ESYT1: variants seen among roughly 807,000 people sequenced by gnomAD.
ESYT1 encodes extended synaptotagmin 1.
ESYT1 carries 116 observed loss-of-function variants against 154.2 expected under a neutral mutation model. The observed-to-expected ratio is 0.75, with a 90% CI of 0.65 to 0.88. ESYT1 has a LOEUF of 0.88. Ranked by LOEUF, ESYT1 falls within the 40% of genes least tolerant of loss-of-function variation. The probability of loss-of-function intolerance (pLI) is 0.00; values close to 1 mark genes in which losing one functional copy is unlikely to be tolerated. For missense variants in ESYT1, 1,264 were observed against 1,379.3 expected, an observed-to-expected ratio of 0.92 and a Z score of 1.32; for synonymous variants, 500 against 539.9, an observed-to-expected ratio of 0.93 and a Z score of 1.02.
At chr12:56,131,857 T>C in intron 7 of ESYT1, 53 bp downstream of exon 7, 4 of 1,570,656 alleles carry the variant, frequency 2.5e-6, no homozygotes, top group Middle Eastern at 1.7e-4. Context: ...GGGTTGGGGG[T>C]TTAAGGGACA....
At chr12:56,140,595 C>T (rs893914146) in intron 24 of ESYT1, among the ~76,000 whole-genome samples, 1 of 151,832 alleles carries the variant, frequency 6.6e-6, no homozygotes, top group Non-Finnish European at 1.5e-5. Context: ...AAGTCCTGAC[C>T]TCAAGTGATC....
chr12:56,135,985 C>T (rs1280168378), intron 15 of ESYT1, among the ~76,000 whole-genome samples: 3 of 141,530 alleles, frequency 2.1e-5, no homozygotes, highest in East Asian at 2.2e-4. Context: ...CATTTGAACC[C>T]GGGAGGTAGA....
At chr12:56,141,284 G>C (rs1870673496) in intron 24 of ESYT1, among the ~76,000 whole-genome samples, 1 of 152,186 alleles carries the variant, frequency 6.6e-6, no homozygotes, top group Non-Finnish European at 1.5e-5. Context: ...GGAATCAATA[G>C]ATACAAGCAT....
chr12:56,142,826 T>G lies in ESYT1; in HGVS notation c.2889-9T>G, dbSNP rs776654579. On this transcript the variant is annotated splice_polypyrimidine_tract_variant and intron_variant, in intron 26 of 30. Coordinates refer to ENST00000394048, the MANE Select transcript of ESYT1 (RefSeq NM_015292.3). The surrounding 1 kb of genome is among the most constrained non-coding windows in gnomAD (Gnocchi z 4.1). ...AGCTTTCCCCAGACCTACTGATATT[T>G]CTCCACAGTCCCCTTGAGGCTCCAG... 7 of 1,613,956 alleles carry G rather than the reference T, an allele frequency of 4.3e-6. No individual in the cohort carries two copies. The highest frequency in any genetic ancestry group is 5.1e-6 in the Non-Finnish European group (6 of 1,179,992).
chr12:56,131,850 T>C, intron 7 of ESYT1, 46 bp downstream of exon 7: 1 of 1,599,096 alleles, frequency 6.3e-7, no homozygotes. Context: ...CAGCGCTGGG[T>C]TGGGGGTTTA....
chr12:56,137,493 T>C lies in ESYT1; in HGVS notation c.1939-6T>C, dbSNP rs757594663. 8 of 1,611,580 alleles carry C rather than the reference T, an allele frequency of 5.0e-6. No homozygotes were observed. The highest frequency in any genetic ancestry group is 5.9e-6 in the Non-Finnish European group (7 of 1,178,140). ...GCCATCTGGCACCCCCCCGTCCCTT[T>C]TGCAGCATGTGCTTCGGATCCATGT... On this transcript the variant is annotated splice_region_variant and splice_polypyrimidine_tract_variant and intron_variant, in intron 17 of 30. Coordinates refer to ENST00000394048, the MANE Select transcript of ESYT1 (RefSeq NM_015292.3).
At chr12:56,134,484 C>A in intron 15 of ESYT1, 56 bp downstream of exon 15, 1 of 1,455,066 alleles carries the variant, frequency 6.9e-7, no homozygotes, top group Non-Finnish European at 9.7e-7. Context: ...CTTCCCAGAT[C>A]TGTACCATTT....
In ESYT1 at chr12:56,131,844, G is replaced by A. The variant is rs200049062; in HGVS notation, c.860+40G>A. 4.6e-5 allele frequency: 74 copies of A among 1,602,332 alleles called. No individual in the cohort carries two copies. In the African/African-American group the frequency reaches 6.1e-4, roughly 13 times the overall value. Reference sequence around the variant, plus strand: ...CTGAGCACCTGCTGAGTGTTCCAGCGCTGGGTTGGGGGTTTAAGGGACACA... The same window carrying A: ...CTGAGCACCTGCTGAGTGTTCCAGCACTGGGTTGGGGGTTTAAGGGACACA... On this transcript the variant is annotated intron_variant, in intron 7 of 30. Transcript: ENST00000394048.
chr12:56,143,901 C>A lies in ESYT1; in HGVS notation c.*39C>A. The stretch of plus-strand genomic sequence containing the variant: ...CCAGCCTGACTGCTCTGTCTTCCTG[C>A]CTTCGTCTCGCTCCATCACCGCCTC... On this transcript the variant is annotated 3_prime_UTR_variant, in exon 31 of 31. Transcript: ENST00000394048. The A allele has an allele frequency of 3.7e-6, 6 of 1,613,148 alleles. No individual in the cohort carries two copies. In the South Asian group the frequency reaches 6.6e-5, roughly 18 times the overall value.
At chr12:56,131,005 T>A (rs1264921482) in intron 3 of ESYT1, 35 bp from the exon 4 acceptor site, 34 of 1,614,004 alleles carry the variant, frequency 2.1e-5, no homozygotes, top group Non-Finnish European at 2.5e-5. Flanking sequence ...CTTCTCCCTA[T>A]CCCTGCCCTC....
rs1392488588 is a variant in ESYT1, at chr12:56,128,402, C to G, written c.83C>G (p.Pro28Arg). ...SAPSDPTDQP[P>R]AAHAKPDPGS... ...CCCTCCGACCCCACTGACCAGCCCC[C>G]CGCTGCTCACGCAAAGCCAGACCCA... Residue 28 changes from proline (P) to arginine (R), a missense_variant, in exon 1 of 31, where the codon CCC becomes CGC. By Grantham distance (103) the Pro-to-Arg change is moderately radical (BLOSUM62 -2). Coordinates refer to ENST00000394048, the MANE Select transcript of ESYT1 (RefSeq NM_015292.3). 9 of 1,611,748 alleles carry G rather than the reference C, an allele frequency of 5.6e-6. No homozygotes were observed. The Admixed American group carries it at 8.4e-5, about 15-fold the overall frequency.
At position 56,142,443 on chromosome 12, in the gene ESYT1, G is replaced by A. The variant is rs948564232; in HGVS notation, c.2733+18G>A. 5 of 1,610,276 alleles carry A rather than the reference G, an allele frequency of 3.1e-6. No homozygotes were observed. The highest frequency in any genetic ancestry group is 4.2e-6 in the Non-Finnish European group (5 of 1,177,178). On this transcript the variant is annotated intron_variant, in intron 25 of 30. Transcript: ENST00000394048. This position sits in a 1 kb window ranked among gnomAD's most constrained non-coding sequence, Gnocchi z 4.1. Reference sequence around the variant, plus strand: ...AGCTAGGGGTGAGTGACAGGAGATGGTGGGCAGGATGAGAGGGAGGAGGGG... The same window carrying A: ...AGCTAGGGGTGAGTGACAGGAGATGATGGGCAGGATGAGAGGGAGGAGGGG...
chr12:56,134,079 G>T, intron 13 of ESYT1, 31 bp from the exon 14 acceptor site: 1 of 1,613,412 alleles, frequency 6.2e-7, no homozygotes, highest in Non-Finnish European at 8.5e-7. Context: ...AATCCCCCAA[G>T]ATGGTGACCT....
chr12:56,137,109 G>A, intron 16 of ESYT1, 109 bp from the exon 17 acceptor site: 1 of 1,437,462 alleles, frequency 7.0e-7, no homozygotes, highest in Non-Finnish European at 9.6e-7. Context: ...CCCAGCCAGG[G>A]CAGCACCTAG....
In ESYT1 at chr12:56,142,202, C is replaced by A. The variant is rs931904464; in HGVS notation, c.2593-83C>A. ...AATCTCACCAAACCACCTATGAGTC[C>A]AAGCGTTTGGACCTTTAAAACACCA... On this transcript the variant is annotated intron_variant, in intron 24 of 30. Transcript: ENST00000394048. The surrounding 1 kb of genome is among the most constrained non-coding windows in gnomAD (Gnocchi z 4.1). 2.0e-5 allele frequency: 31 copies of A among 1,529,086 alleles called. No individual in the cohort carries two copies. The African/African-American group carries it at 3.8e-4, about 19-fold the overall frequency. 94.7% of individuals were successfully genotyped at this position (1,529,086 alleles called of 1,614,324 possible).
rs1287139621 is a variant in ESYT1 at position 56,138,806 on chromosome 12, TCTCA to T, written c.2475_2478del (p.Thr826TrpfsTer35). On this transcript the variant is annotated frameshift_variant, in exon 23 of 31. Transcript: ENST00000394048. LOFTEE classifies it high-confidence loss of function. ...CCAAGCACCTCAGCCCTTATGCTAC[TCTCA>T]CTGTGGGAGATAGTTCTCATAAAAC... The T allele has an allele frequency of 6.2e-7, 1 of 1,614,118 alleles. No individual in the cohort carries two copies. Among genetic ancestry groups the T allele is most frequent in the African/African-American group, 1.3e-5 (1 of 74,936 alleles).
intron 17 of ESYT1, 21 bp downstream of exon 17, chr12:56,137,394 G>T (rs2136879184): frequency 1.2e-6 from 2 of 1,613,986 alleles, no homozygotes; most frequent in Non-Finnish European, 1.7e-6. Flanking sequence ...ATCTGGAAAG[G>T]ACTAGGGTCT....
chr12:56,143,561 C>G lies in ESYT1; in HGVS notation c.3226-19C>G. Reference sequence around the variant, plus strand: ...AAATAAAAGAAATAACATCTTTCCCCTATCATCTTCCAACACAGGTGCAGC... The same window carrying G: ...AAATAAAAGAAATAACATCTTTCCCGTATCATCTTCCAACACAGGTGCAGC... On this transcript the variant is annotated intron_variant, in intron 29 of 30. Transcript: ENST00000394048. The G allele has an allele frequency of 1.2e-6, 2 of 1,613,958 alleles. No homozygotes were observed. Among genetic ancestry groups the G allele is most frequent in the African/African-American group, 1.3e-5 (1 of 75,026 alleles).
chr12:56,142,157 C>T lies in ESYT1; in HGVS notation c.2593-128C>T. On this transcript the variant is annotated intron_variant, in intron 24 of 30. Transcript: ENST00000394048. The surrounding 1 kb of genome is among the most constrained non-coding windows in gnomAD (Gnocchi z 4.1). ...GGACTAGCAACTGTTACCATGGCTTCCCTGCCTTTCTCAAAGGGAAATCTC... is the reference window on the plus strand; with the variant it reads ...GGACTAGCAACTGTTACCATGGCTTTCCTGCCTTTCTCAAAGGGAAATCTC... The T allele has an allele frequency of 9.3e-7, 1 of 1,078,518 alleles. No individual in the cohort carries two copies. Among genetic ancestry groups the T allele is most frequent in the Non-Finnish European group, 1.3e-6 (1 of 746,634 alleles). The allele number at this position is 1,078,518 out of a possible 1,614,324, so 66.8% of individuals were successfully genotyped here. A position where few individuals can be genotyped will look rare whatever the true frequency, so the allele number is the denominator to read the frequency against.
Sources: allele counts gnomAD v4.1 joint callset (sites outside exome capture counted in the v4.1 genomes callset), GRCh38; gene constraint gnomAD v4.1.1; non-coding constraint Gnocchi (gnomAD v3.1); transcripts MANE v1.5; gene names NCBI Gene and HGNC (gene_info 2026-07-23, HGNC 2026-07-21).